Variants in CAB39 observed in about 807,000 individuals in gnomAD.
CAB39 encodes the protein calcium binding protein 39.
CAB39 carries 8 observed loss-of-function variants against 40.0 expected under a neutral mutation model. The ratio of observed to expected loss-of-function variants is 0.20; its 90% CI spans 0.12 to 0.36. The LOEUF (loss-of-function observed/expected upper bound fraction) is 0.36, where lower values mean the gene tolerates loss of function less well. Ranked by LOEUF, CAB39 falls within the 10% of genes least tolerant of loss-of-function variation. The pLI is 1.00. For synonymous variants in CAB39, 156 were observed against 141.6 expected (o/e 1.10, Z -0.72); for missense variants, 270 against 401.1 (o/e 0.67, Z 2.79).
In CAB39 at chr2:230,759,992, C is replaced by T. The variant is rs779119869; in HGVS notation, c.-10C>T. 5.0e-5 allele frequency: 79 copies of T among 1,572,644 alleles called. No individual in the cohort carries two copies. Among genetic ancestry groups the T allele is most frequent in the Non-Finnish European group, 6.0e-5 (68 of 1,142,808 alleles). On this transcript the variant is annotated 5_prime_UTR_variant, in exon 2 of 9. Transcript: ENST00000258418. Reference sequence around the variant, plus strand: ...GGCGGAGTGCAGCGGAGGCCCCTGCCGCTGCCGTCATGCCGTTCCCGTTTG... The same window carrying T: ...GGCGGAGTGCAGCGGAGGCCCCTGCTGCTGCCGTCATGCCGTTCCCGTTTG...
At chr2:230,713,397 C>T (rs1050647542) in intron 1 of CAB39, among the ~76,000 whole-genome samples, 167 bp downstream of exon 1, 6 of 152,196 alleles carry the variant, frequency 3.9e-5, no homozygotes, top group Admixed American at 6.5e-5. Flanking sequence ...CCCAGCCTGC[C>T]CTCTCCGCCC....
At chr2:230,718,715 G>A (rs1182821639) in intron 1 of CAB39, among the ~76,000 whole-genome samples, 2 of 152,276 alleles carry the variant, frequency 1.3e-5, no homozygotes, top group East Asian at 3.9e-4. Flanking sequence ...TTTCCAGGGG[G>A]GAGAAACTTT....
chr2:230,739,282 C>A (rs1019424789), intron 1 of CAB39, among the ~76,000 whole-genome samples: 3 of 152,128 alleles, frequency 2.0e-5, no homozygotes, highest in African/African-American at 4.8e-5. Flanking sequence ...GCTAATTTGT[C>A]TAGAAATAGC....
intron 1 of CAB39, chr2:230,725,319 C>A: frequency 6.3e-7 from 1 of 1,574,994 alleles, no homozygotes; most frequent in South Asian, 1.1e-5. Flanking sequence ...TTGCCCAGGA[C>A]TTCACCAATC....
At chr2:230,728,263 TAA>T (rs1694624155) in intron 1 of CAB39, among the ~76,000 whole-genome samples, 1 of 151,500 alleles carries the variant, frequency 6.6e-6, no homozygotes, top group African/African-American at 2.4e-5. Context: ...AATAAATAAA[TAA>T]AAACTAGCCT....
At chr2:230,750,572 A>AC (rs1695068103) in intron 1 of CAB39, among the ~76,000 whole-genome samples, 1 of 148,634 alleles carries the variant, frequency 6.7e-6, no homozygotes, top group African/African-American at 2.5e-5. Context: ...CACATCTTTT[A>AC]TTTTTTTTTT....
At chr2:230,716,279 C>T (rs2124844563) in intron 1 of CAB39, among the ~76,000 whole-genome samples, 1 of 152,296 alleles carries the variant, frequency 6.6e-6, no homozygotes, top group African/African-American at 2.4e-5. Flanking sequence ...ACGTATGCCA[C>T]ACAGGGTCTT....
intron 1 of CAB39, among the ~76,000 whole-genome samples, chr2:230,747,312 A>C (rs1020639957): frequency 2.8e-4 from 42 of 152,264 alleles, no homozygotes; most frequent in African/African-American, 9.9e-4. Flanking sequence ...GGTTACCCCC[A>C]TTGGCATTGC....
intron 1 of CAB39, among the ~76,000 whole-genome samples, chr2:230,722,041 A>G (rs1575897846): frequency 6.7e-6 from 1 of 148,978 alleles, no homozygotes; most frequent in East Asian, 1.9e-4. Context: ...GGCTTTCACC[A>G]AGCCTTTTTT....
chr2:230,749,009 G>GTTT (rs141878027), intron 1 of CAB39, among the ~76,000 whole-genome samples: 4 of 140,558 alleles, frequency 2.8e-5, no homozygotes, highest in African/African-American at 7.7e-5. Context: ...CCGCCCCCGT[G>GTTT]TTTTTTTTTT....
At chr2:230,760,158 C>T in intron 2 of CAB39, 43 bp downstream of exon 2, 1 of 1,223,098 alleles carries the variant, frequency 8.2e-7, no homozygotes, top group Non-Finnish European at 1.2e-6. Flanking sequence ...TCTTAATTAG[C>T]AAATGCAAGA....
At chr2:230,794,204 T>G (rs543569828) in intron 4 of CAB39, among the ~76,000 whole-genome samples, 2 of 152,334 alleles carry the variant, frequency 1.3e-5, no homozygotes, top group African/African-American at 4.8e-5. Context: ...GGTTTAACAC[T>G]TCCCCCAAGT....
chr2:230,819,492 G>C lies in CAB39; in HGVS notation c.*788G>C, dbSNP rs1696468488. The C allele has an allele frequency of 6.6e-6, 1 of 152,578 alleles. No individual in the cohort carries two copies. The highest frequency in any genetic ancestry group is 1.9e-4 in the East Asian group (1 of 5,206). The allele number at this position is 152,578 out of a possible 1,614,324, so 9.5% of individuals were successfully genotyped here. ...TTCTTTTGTATATAATTCTTAGAAT[G>C]CTCATTTCTTTTAAATGGTTTAATT... On this transcript the variant is annotated 3_prime_UTR_variant, in exon 9 of 9. Coordinates refer to ENST00000258418, the MANE Select transcript of CAB39 (RefSeq NM_016289.4).
intron 1 of CAB39, among the ~76,000 whole-genome samples, chr2:230,753,156 A>G (rs1695119349): frequency 6.6e-6 from 1 of 152,186 alleles, no homozygotes. Flanking sequence ...GCATTGGGAG[A>G]GAGAAGAAAA....
chr2:230,756,118 A>G (rs1377929198), intron 1 of CAB39, among the ~76,000 whole-genome samples: 1 of 152,210 alleles, frequency 6.6e-6, no homozygotes, highest in Non-Finnish European at 1.5e-5. Context: ...TCTGAAGGTC[A>G]CACATGATCC....
At chr2:230,749,009 GTT>G (rs141878027) in intron 1 of CAB39, among the ~76,000 whole-genome samples, 1 of 140,548 alleles carries the variant, frequency 7.1e-6, no homozygotes. Flanking sequence ...CCGCCCCCGT[GTT>G]TTTTTTTTAA....
Position 230,757,622 on chromosome 2 carries a change from C to T in CAB39, c.-43-2337C>T, listed in dbSNP as rs909147025. ...TACCCTGGAAAGTCACATCTTTCACCATTGAGCCAGAGCTGAAAATATCTC... is the reference window on the plus strand; with the variant it reads ...TACCCTGGAAAGTCACATCTTTCACTATTGAGCCAGAGCTGAAAATATCTC... On this transcript the variant is annotated intron_variant, in intron 1 of 8. Coordinates refer to ENST00000258418, the MANE Select transcript of CAB39 (RefSeq NM_016289.4). Among the ~76,000 whole-genome samples the T allele has an allele frequency of 2.6e-5, 4 of 152,180 alleles. No homozygotes were observed. The South Asian group carries it at 8.3e-4, about 31-fold the overall frequency.
chr2:230,748,831 A>AAAAAT (rs1386799920), intron 1 of CAB39, among the ~76,000 whole-genome samples: 19 of 28,498 alleles, frequency 6.7e-4, no homozygotes, highest in African/African-American at 1.0e-3. Flanking sequence ...AAAAAAAAAA[A>AAAAAT]ATATATATAT....
At chr2:230,769,127 G>C (rs1037187816) in intron 2 of CAB39, among the ~76,000 whole-genome samples, 20 of 152,140 alleles carry the variant, frequency 1.3e-4, no homozygotes, top group African/African-American at 4.8e-4. Context: ...AGACAAAATA[G>C]ACTTCAGAGC....
Sources: allele counts gnomAD v4.1 joint callset (sites outside exome capture counted in the v4.1 genomes callset), GRCh38; gene constraint gnomAD v4.1.1; transcripts MANE v1.5; gene names NCBI Gene and HGNC (gene_info 2026-07-23, HGNC 2026-07-21).